The following DACH2 variants were observed in gnomAD, a reference collection of about 807,000 sequenced individuals.
The protein encoded by DACH2 is dachshund family transcription factor 2.
In DACH2, 17 loss-of-function variants were observed where a neutral mutation model predicts 35.8. The observed-to-expected ratio is 0.48, with a 90% CI of 0.33 to 0.71. The LOEUF is 0.71. Among genes scored for constraint, DACH2 ranks in the 30% least tolerant of loss-of-function variants. The pLI is 0.02. For synonymous variants in DACH2, 195 were observed against 177.3 expected (o/e 1.10, Z -0.79); for missense variants, 469 against 472.7 (o/e 0.99, Z 0.07).
intron 1 of DACH2, among the ~76,000 whole-genome samples, chrX:86,288,635 A>G (rs2034203975): frequency 8.9e-6 from 1 of 111,835 alleles, no homozygotes; most frequent in Non-Finnish European, 1.9e-5. Flanking sequence ...TCCCTTTCTT[A>G]AATGCAGAGG....
rs2040307289 is a variant in DACH2, at chrX:86,638,584, A to T, written c.641-12452A>T. On this transcript the variant is annotated intron_variant, in intron 3 of 11. Transcript: ENST00000373125. ...AACAAATAAAAAAAAGACCCCATTAACAAGCAGGTAAAGGACATGAATAGA... is the reference window on the plus strand; with the variant it reads ...AACAAATAAAAAAAAGACCCCATTATCAAGCAGGTAAAGGACATGAATAGA... Among the ~76,000 whole-genome samples the T allele has an allele frequency of 3.6e-5, 4 of 111,838 alleles. No homozygotes were observed. In the South Asian group the frequency reaches 1.5e-3, roughly 42 times the overall value.
intron 6 of DACH2, among the ~76,000 whole-genome samples, chrX:86,716,532 A>C (rs1413899910): frequency 1.8e-4 from 20 of 111,735 alleles, no homozygotes; most frequent in Non-Finnish European, 3.2e-4. Context: ...TCCTTCTCTA[A>C]AACAAACAGA....
chrX:86,286,221 G>C (rs1051636762), intron 1 of DACH2, among the ~76,000 whole-genome samples: 3 of 89,793 alleles, frequency 3.3e-5, no homozygotes, highest in African/African-American at 1.2e-4. Flanking sequence ...TCCGCTTCCC[G>C]GGTTCACGCC....
chrX:86,290,669 T>A (rs1262414520), intron 1 of DACH2, among the ~76,000 whole-genome samples: 1 of 106,042 alleles, frequency 9.4e-6, no homozygotes, highest in African/African-American at 3.5e-5. Flanking sequence ...GCACCATTTA[T>A]TAAATAGGGA....
At chrX:86,209,043 A>C (rs758534616) in intron 1 of DACH2, among the ~76,000 whole-genome samples, 9 of 111,542 alleles carry the variant, frequency 8.1e-5, no homozygotes, top group Non-Finnish European at 1.5e-4. Context: ...AGTTTCCATC[A>C]TTCATACATT....
intron 1 of DACH2, among the ~76,000 whole-genome samples, chrX:86,297,043 G>GTGTATATA (rs1411917050): frequency 2.2e-5 from 2 of 89,950 alleles, no homozygotes; most frequent in African/African-American, 8.7e-5. Context: ...ATATAATTGT[G>GTGTATATA]TATATATATA....
chrX:86,546,678 T>C (rs1354426294), intron 3 of DACH2, among the ~76,000 whole-genome samples: 2 of 105,340 alleles, frequency 1.9e-5, no homozygotes, highest in Non-Finnish European at 3.9e-5. Flanking sequence ...CCAACCTGTC[T>C]AATTTTTTTG....
intron 3 of DACH2, among the ~76,000 whole-genome samples, chrX:86,637,717 C>T (rs1465814842): frequency 1.8e-5 from 2 of 110,398 alleles, no homozygotes; most frequent in Non-Finnish European, 1.9e-5. Context: ...CATACTGGGG[C>T]CTATTAGAGA....
At chrX:86,674,935 T>C (rs142928299) in intron 4 of DACH2, among the ~76,000 whole-genome samples, 4,705 of 110,432 alleles carry the variant, frequency 0.043, 126 homozygotes, top group East Asian at 0.15. Flanking sequence ...GTAATTTCCT[T>C]ATGCTATCTT....
chrX:86,154,330 G>A (rs1450952233), intron 1 of DACH2, among the ~76,000 whole-genome samples: 2 of 111,216 alleles, frequency 1.8e-5, no homozygotes, highest in Non-Finnish European at 3.8e-5. Context: ...AAAATATTAT[G>A]TTTTTGTGAA....
At chrX:86,578,839 A>C (rs928403637) in intron 3 of DACH2, among the ~76,000 whole-genome samples, 1 of 111,902 alleles carries the variant, frequency 8.9e-6, no homozygotes, top group Non-Finnish European at 1.9e-5. Flanking sequence ...ATTCTCTTTC[A>C]AAGTGGATGT....
At chrX:86,672,497 G>A (rs1322537191) in intron 4 of DACH2, among the ~76,000 whole-genome samples, 2 of 111,407 alleles carry the variant, frequency 1.8e-5, no homozygotes, top group East Asian at 2.8e-4. Flanking sequence ...ACCTCAGGAC[G>A]CTGCTCCCTG....
intron 1 of DACH2, among the ~76,000 whole-genome samples, chrX:86,184,026 T>C (rs898299599): frequency 1.6e-4 from 18 of 110,912 alleles, no homozygotes; most frequent in African/African-American, 4.3e-4. Context: ...GTGATATCCC[T>C]TTTATCATTT....
chrX:86,339,293 T>A (rs2035373454), intron 1 of DACH2, among the ~76,000 whole-genome samples: 1 of 112,024 alleles, frequency 8.9e-6, no homozygotes, highest in African/African-American at 3.2e-5. Flanking sequence ...CTTATAGAAT[T>A]GTTTCTCAAG....
chrX:86,276,531 C>T (rs2033919347), intron 1 of DACH2, among the ~76,000 whole-genome samples: 1 of 111,578 alleles, frequency 9.0e-6, no homozygotes, highest in Non-Finnish European at 1.9e-5. Context: ...AGCTTTTTAA[C>T]TGGCTGTGAT....
intron 3 of DACH2, among the ~76,000 whole-genome samples, chrX:86,546,899 TG>T (rs972479797): frequency 9.0e-6 from 1 of 110,779 alleles, no homozygotes; most frequent in African/African-American, 3.3e-5. Flanking sequence ...CCTACTTTTT[TG>T]CAGGTTATAA....
At chrX:86,160,579 C>T in intron 1 of DACH2, 1 of 505,112 alleles carries the variant, frequency 2.0e-6, no homozygotes, top group Non-Finnish European at 3.6e-6. Context: ...CTGGATGGTT[C>T]AGGATGATCA....
At position 86,735,274 on chromosome X, in the gene DACH2, G is replaced by T. The variant is rs765432847; in HGVS notation, c.1105-4473G>T. On this transcript the variant is annotated intron_variant, in intron 6 of 11. Coordinates refer to ENST00000373125, the MANE Select transcript of DACH2 (RefSeq NM_053281.3). ...TTCCAAGAATGTAAAATAATATATT[G>T]AAATGAAATAAATGGCCTCTATGAA... Among the ~76,000 whole-genome samples, 3 of 111,377 alleles carry T rather than the reference G, an allele frequency of 2.7e-5. No individual in the cohort carries two copies. The South Asian group carries it at 1.1e-3, about 41-fold the overall frequency.
chrX:86,667,564 GAAAGA>G, intron 4 of DACH2, among the ~76,000 whole-genome samples: 2 of 89,343 alleles, frequency 2.2e-5, no homozygotes, highest in African/African-American at 9.4e-5. Flanking sequence ...AAGAAAGAAA[GAAAGA>G]AAGAAAGAAA....
Sources: allele counts gnomAD v4.1 joint callset (sites outside exome capture counted in the v4.1 genomes callset), GRCh38; gene constraint gnomAD v4.1.1; transcripts MANE v1.5; gene names NCBI Gene and HGNC (gene_info 2026-07-23, HGNC 2026-07-21).